RASAL2: variants seen among roughly 807,000 people sequenced by gnomAD.
RASAL2 encodes RAS protein activator like 2.
In RASAL2, 58 loss-of-function variants were observed where a neutral mutation model predicts 128.9. The ratio of observed to expected loss-of-function variants is 0.45; its 90% CI spans 0.36 to 0.56. The LOEUF (loss-of-function observed/expected upper bound fraction) is 0.56. RASAL2 is among the 20% of genes least tolerant of loss of function. The pLI, the probability that RASAL2 is intolerant of heterozygous loss-of-function variation, is 0.00. For missense variants in RASAL2, 1,360 were observed against 1,601.6 expected, an observed-to-expected ratio of 0.85 and a Z score of 2.57; for synonymous variants, 561 against 580.8, an observed-to-expected ratio of 0.97 and a Z score of 0.49.
At chr1:178,448,507 T>A (rs1441916131) in intron 9 of RASAL2, among the ~76,000 whole-genome samples, 2 of 152,218 alleles carry the variant, frequency 1.3e-5, no homozygotes, top group Non-Finnish European at 2.9e-5. Flanking sequence ...TCATATTTTT[T>A]TCTCTAATCA....
intron 1 of RASAL2, chr1:178,123,622 T>C (rs530412210): frequency 6.6e-6 from 1 of 152,342 alleles, no homozygotes; most frequent in Non-Finnish European, 1.5e-5. Context: ...CTGAAATTGA[T>C]CCTGAATTTA....
At chr1:178,124,600 T>G (rs1659832555) in intron 1 of RASAL2, among the ~76,000 whole-genome samples, 1 of 152,208 alleles carries the variant, frequency 6.6e-6, no homozygotes, top group Admixed American at 6.5e-5. Flanking sequence ...TTACCGTTAG[T>G]TTACTCTTTT....
intron 3 of RASAL2, among the ~76,000 whole-genome samples, chr1:178,378,854 C>T (rs1180090557): frequency 6.6e-6 from 1 of 151,700 alleles, no homozygotes; most frequent in Non-Finnish European, 1.5e-5. Context: ...GCGTTTAACT[C>T]AACAAGTTAG....
intron 17 of RASAL2, among the ~76,000 whole-genome samples, chr1:178,471,922 C>A (rs962256409): frequency 3.3e-5 from 5 of 152,162 alleles, no homozygotes; most frequent in Admixed American, 2.6e-4. Flanking sequence ...CTAAACTTTA[C>A]CATGCTTTTC....
At chr1:178,146,057 G>A (rs1339517614) in intron 1 of RASAL2, among the ~76,000 whole-genome samples, 1 of 152,204 alleles carries the variant, frequency 6.6e-6, no homozygotes, top group Non-Finnish European at 1.5e-5. Context: ...AGAAGTAATA[G>A]TTTTTGTTTC....
At chr1:178,243,656 G>T (rs1054495551) in intron 1 of RASAL2, among the ~76,000 whole-genome samples, 5 of 151,014 alleles carry the variant, frequency 3.3e-5, no homozygotes, top group Admixed American at 6.6e-5. Flanking sequence ...GGTATTTTCT[G>T]TTCCTAGGTT....
At chr1:178,144,614 T>C (rs527899045) in intron 1 of RASAL2, among the ~76,000 whole-genome samples, 73 of 152,320 alleles carry the variant, frequency 4.8e-4, no homozygotes, top group Non-Finnish European at 8.7e-4. Flanking sequence ...TTTAAGTATT[T>C]TTGACATCTC....
At position 178,443,030 on chromosome 1, in the gene RASAL2, G is replaced by A. The variant is rs756181752; in HGVS notation, c.1283G>A (p.Gly428Glu). The change falls in exon 8 of 18, where the codon GGA (glycine) becomes GAA (glutamate). Residue 428 changes from glycine (G) to glutamate (E), a missense_variant. Around this residue, in one of 3 missense-constraint regions of RASAL2, gnomAD observed 617 missense variants for 714.2 expected, o/e 0.86. Coordinates refer to ENST00000367649, the MANE Select transcript of RASAL2 (RefSeq NM_170692.4). ...CCTACACCCAACAAAGGAAAGACAG[G>A]AGGACCTTCTATTCGGATTAAATCA... ...STPTPNKGKT[G>E]GPSIRIKSRF... is the part of the protein sequence containing the mutation. The A allele has an allele frequency of 6.2e-7, 1 of 1,614,052 alleles. No homozygotes were observed. The highest frequency in any genetic ancestry group is 8.5e-7 in the Non-Finnish European group (1 of 1,179,988).
At chr1:178,205,791 G>T (rs1167636077) in intron 1 of RASAL2, among the ~76,000 whole-genome samples, 1 of 151,942 alleles carries the variant, frequency 6.6e-6, no homozygotes, top group Non-Finnish European at 1.5e-5. Context: ...CACCTCTGCT[G>T]CCTTACATTA....
In RASAL2 at chr1:178,371,331, C is replaced by CACACACAAACACACACACAAAT. The variant is rs1297953806; in HGVS notation, c.458-18762_458-18761insAACACACACACAAATACACACA. 1.3e-3 allele frequency among the ~76,000 whole-genome samples: 187 copies of CACACACAAACACACACACAAAT among 139,238 alleles called. 2 individuals carry two copies. Among genetic ancestry groups the CACACACAAACACACACACAAAT allele is most frequent in the East Asian group, 3.3e-3 (16 of 4,810 alleles). The allele number at this position is 139,238 out of a possible 152,430, so 91.3% of individuals were successfully genotyped here. The stretch of plus-strand genomic sequence containing the variant: ...ATTTCAGCCTTCTTTCCCACACACA[C>CACACACAAACACACACACAAAT]ACACACACACACACACACACAAATA... On this transcript the variant is annotated intron_variant, in intron 3 of 17. Coordinates refer to ENST00000367649, the MANE Select transcript of RASAL2 (RefSeq NM_170692.4).
intron 1 of RASAL2, among the ~76,000 whole-genome samples, chr1:178,118,478 C>T (rs928706370): frequency 3.3e-5 from 5 of 152,030 alleles, no homozygotes; most frequent in African/African-American, 9.7e-5. Flanking sequence ...AAGTGTGTTG[C>T]GATCTCAAGC....
intron 3 of RASAL2, among the ~76,000 whole-genome samples, chr1:178,303,254 T>C (rs1466232453): frequency 6.6e-6 from 1 of 152,114 alleles, no homozygotes; most frequent in African/African-American, 2.4e-5. Context: ...CTTATAACCA[T>C]GCACAATATC....
chr1:178,365,375 G>C (rs948001350), intron 3 of RASAL2, among the ~76,000 whole-genome samples: 23 of 152,032 alleles, frequency 1.5e-4, no homozygotes, highest in African/African-American at 4.8e-4. Context: ...TATTGTACAT[G>C]TACAAAGGAG....
rs1027603404 is a variant in RASAL2, at chr1:178,475,619, C to T, written c.*2380C>T. On this transcript the variant is annotated 3_prime_UTR_variant, in exon 18 of 18. Transcript: ENST00000367649. ...AGTGCCGATTATGGATTACAGAGGGCTGATAAAATTACTTATATTGGGAAT... is the reference window on the plus strand; with the variant it reads ...AGTGCCGATTATGGATTACAGAGGGTTGATAAAATTACTTATATTGGGAAT... The T allele has an allele frequency of 6.6e-6, 1 of 152,090 alleles. No individual in the cohort carries two copies. The highest frequency in any genetic ancestry group is 2.4e-5 in the African/African-American group (1 of 41,410). 9.4% of individuals were successfully genotyped at this position (152,090 alleles called of 1,614,324 possible).
rs1676780360 is a variant in RASAL2 at position 178,443,071 on chromosome 1, A to G, written c.1324A>G (p.Thr442Ala). 1.2e-6 allele frequency: 2 copies of G among 1,613,990 alleles called. No individual in the cohort carries two copies. The highest frequency in any genetic ancestry group is 1.7e-6 in the Non-Finnish European group (2 of 1,179,952). Residue 442 changes from threonine (T) to alanine (A), a missense_variant, in exon 8 of 18, where the codon ACC becomes GCC. Physicochemically the swap from Thr to Ala is moderately conservative, Grantham distance 58. This residue lies in a region of RASAL2 where 617 missense variants were observed against 714.2 expected (regional missense o/e 0.86). Coordinates refer to ENST00000367649, the MANE Select transcript of RASAL2 (RefSeq NM_170692.4). The stretch of plus-strand genomic sequence containing the variant: ...GATTAAATCACGTTTCCAAACTATC[A>G]CCATTCTGCCTATGGAGCAATACAA... ...IRIKSRFQTI[T>A]ILPMEQYKEF... is the part of the protein sequence containing the mutation.
chr1:178,337,860 T>A (rs1669672807), intron 3 of RASAL2, among the ~76,000 whole-genome samples: 1 of 151,554 alleles, frequency 6.6e-6, no homozygotes, highest in South Asian at 2.1e-4. Flanking sequence ...ACCTCCCGAG[T>A]AGCCGAGATT....
intron 3 of RASAL2, among the ~76,000 whole-genome samples, chr1:178,301,152 T>C (rs1341441984): frequency 6.6e-6 from 1 of 152,214 alleles, no homozygotes; most frequent in Non-Finnish European, 1.5e-5. Context: ...TAATAGTTGT[T>C]GCTTTCCTAG....
chr1:178,168,703 A>G (rs1010418184), intron 1 of RASAL2, among the ~76,000 whole-genome samples: 8 of 152,176 alleles, frequency 5.3e-5, no homozygotes, highest in Admixed American at 2.6e-4. Flanking sequence ...CTTATGTTCA[A>G]TCTCACAGCA....
chr1:178,326,189 C>T (rs532740941), intron 3 of RASAL2, among the ~76,000 whole-genome samples: 2 of 152,054 alleles, frequency 1.3e-5, no homozygotes, highest in Non-Finnish European at 2.9e-5. Flanking sequence ...ATTAATTTTG[C>T]AGAATCTCAT....
Sources: gnomAD v4.1 joint callset for allele counts (sites outside exome capture counted in the v4.1 genomes callset) on GRCh38, gnomAD v4.1.1 for gene constraint, gnomAD v4.1.1 regional missense constraint, MANE v1.5 for transcripts, NCBI Gene and HGNC (gene_info 2026-07-23, HGNC 2026-07-21) for gene names.